Variants in WNT11 observed in about 807,000 individuals in gnomAD.
WNT11 encodes the protein Wnt family member 11.
WNT11 carries 20 observed loss-of-function variants against 35.6 expected under a neutral mutation model. The observed-to-expected ratio is 0.56, with a 90% CI of 0.40 to 0.82. The LOEUF (loss-of-function observed/expected upper bound fraction) is 0.82, where lower values mean the gene tolerates loss of function less well. Ranked by LOEUF, WNT11 falls within the 40% of genes least tolerant of loss-of-function variation. The pLI, the probability that WNT11 is intolerant of heterozygous loss-of-function variation, is 0.00. For missense variants in WNT11, 459 were observed against 504.4 expected (o/e 0.91, Z 0.86); for synonymous variants, 200 against 211.9 (o/e 0.94, Z 0.49).
rs574083118 is a variant in WNT11 at position 76,193,400 on chromosome 11, ATGGTGGGCGTGGCCATGG to A, written c.597+1149_597+1166del. Among the ~76,000 whole-genome samples the A allele has an allele frequency of 2.7e-3, 406 of 151,958 alleles. 1 individual carries two copies. Among genetic ancestry groups the A allele is most frequent in the African/African-American group, 7.6e-3 (316 of 41,408 alleles). On this transcript the variant is annotated intron_variant, in intron 3 of 4. Transcript: ENST00000322563. ...GTGGCGCCCAGCTGGCCTGGCCATG[ATGGTGGGCGTGGCCATGG>A]TGGTGGGCGTGGCCATGGTGGTGGG...
rs554795364 is a variant in WNT11, at chr11:76,206,425, G to T, written c.-18C>A. On this transcript the variant is annotated 5_prime_UTR_variant, in exon 1 of 5. Transcript: ENST00000322563. ...GCCCTCATCGTCGCGCGGCGGGCGC[G>T]CCCGGGGTCACACCCAGGAGGAGCC... The T allele has an allele frequency of 1.3e-6, 2 of 1,490,070 alleles. No individual in the cohort carries two copies. Among genetic ancestry groups the T allele is most frequent in the East Asian group, 2.7e-5 (1 of 36,764 alleles). 92.3% of individuals were successfully genotyped at this position (1,490,070 alleles called of 1,614,324 possible).
chr11:76,191,507 G>A (rs1314579810), intron 4 of WNT11, 57 bp downstream of exon 4: 2 of 1,561,894 alleles, frequency 1.3e-6, no homozygotes, highest in African/African-American at 1.3e-5. Context: ...CCTGAGCTGG[G>A]GAACAGTATG....
At chr11:76,210,089 C>G (rs1445894506), upstream of WNT11, among the ~76,000 whole-genome samples, 1 of 149,600 alleles carries the variant, frequency 6.7e-6, no homozygotes, top group Admixed American at 6.6e-5. Flanking sequence ...GGATCCAAGT[C>G]CCCCACCCCC....
rs1053302 is a variant in WNT11 at position 76,191,635 on chromosome 11, G to T, written c.819C>A (p.Leu273=). ...LDIRPVKDSE[L]VYLQSSPDFC... ...AGTCAGGTGAGCTCTGCAGATAGAC[G>T]AGTTCCGAGTCCTTCACAGGCCGGA... is the stretch of plus-strand genomic sequence containing the variant. Residue 273 remains leucine (L), a synonymous_variant, in exon 4 of 5, where the codon CTC becomes CTA. Coordinates refer to ENST00000322563, the MANE Select transcript of WNT11 (RefSeq NM_004626.3). 2.5e-6 allele frequency: 4 copies of T among 1,613,984 alleles called. No individual in the cohort carries two copies. The highest frequency in any genetic ancestry group is 3.4e-6 in the Non-Finnish European group (4 of 1,180,032).
At chr11:76,203,206 TTCTACC>T (rs1259453311) in intron 1 of WNT11, among the ~76,000 whole-genome samples, 5 of 152,222 alleles carry the variant, frequency 3.3e-5, no homozygotes, top group Admixed American at 6.5e-5. Flanking sequence ...GTAGGGCTCC[TTCTACC>T]TCTATCTTAG....
chr11:76,209,369 AG>A (rs1311124630), upstream of WNT11, among the ~76,000 whole-genome samples: 1 of 133,290 alleles, frequency 7.5e-6, no homozygotes, highest in African/African-American at 2.9e-5. Flanking sequence ...GACTCTGGAA[AG>A]CCGGCCGCTG....
chr11:76,191,892 A>G lies in WNT11; in HGVS notation c.598-36T>C, dbSNP rs775364240. 7.0e-6 allele frequency: 11 copies of G among 1,574,652 alleles called. No homozygotes were observed. The South Asian group carries it at 1.1e-4, about 16-fold the overall frequency. ...GGGAAGGCGTCAGCTGGGTGGCCAG[A>G]GTCCCCTCCCTGGCCTGACCCGGGA... On this transcript the variant is annotated intron_variant, in intron 3 of 4. Transcript: ENST00000322563.
intron 1 of WNT11, among the ~76,000 whole-genome samples, chr11:76,205,139 C>T (rs1396456586): frequency 1.3e-5 from 2 of 152,190 alleles, no homozygotes; most frequent in East Asian, 3.9e-4. Flanking sequence ...GGCAGGAAGA[C>T]GGGGTTCCCT....
intron 1 of WNT11, among the ~76,000 whole-genome samples, chr11:76,198,189 C>A (rs796608509): frequency 6.6e-6 from 1 of 152,228 alleles, no homozygotes. Flanking sequence ...CGACCTTGAG[C>A]AAGTCACTTA....
chr11:76,209,826 C>T (rs1238649279), upstream of WNT11, among the ~76,000 whole-genome samples: 3 of 151,900 alleles, frequency 2.0e-5, no homozygotes, highest in Admixed American at 6.6e-5. Context: ...GGAGCTCGTG[C>T]GCGAGCTCAG....
chr11:76,191,962 T>C, intron 3 of WNT11, 106 bp from the exon 4 acceptor site: 1 of 1,355,086 alleles, frequency 7.4e-7, no homozygotes, highest in East Asian at 2.5e-5. Flanking sequence ...AGGGAGTCAC[T>C]GCCTGCTGGA....
At chr11:76,204,624 TC>T (rs1442554435) in intron 1 of WNT11, among the ~76,000 whole-genome samples, 1 of 152,114 alleles carries the variant, frequency 6.6e-6, no homozygotes, top group Admixed American at 6.5e-5. Context: ...TATGTCCATC[TC>T]CCCCAAGAGC....
chr11:76,210,019 C>A (rs1420761110), upstream of WNT11, among the ~76,000 whole-genome samples: 1 of 151,606 alleles, frequency 6.6e-6, no homozygotes, highest in Non-Finnish European at 1.5e-5. Flanking sequence ...TAGGCGCTGC[C>A]GCATTTCTTT....
intron 1 of WNT11, among the ~76,000 whole-genome samples, chr11:76,203,113 G>T (rs116215813): frequency 1.3e-5 from 2 of 152,248 alleles, no homozygotes; most frequent in African/African-American, 4.8e-5. Flanking sequence ...ACTGAGGCCC[G>T]GAAAGGGCAG....
chr11:76,188,932 A>G (rs2134563896), intron 4 of WNT11, among the ~76,000 whole-genome samples: 1 of 152,338 alleles, frequency 6.6e-6, no homozygotes, highest in South Asian at 2.1e-4. Flanking sequence ...GAGGCTGATC[A>G]GTGCTGGGGG....
rs1318157851 is a variant in WNT11 at position 76,186,868 on chromosome 11, T to C, written c.*197A>G. The stretch of plus-strand genomic sequence containing the variant: ...TTAATCTTGTCGGTTTCCTTTGATG[T>C]CCTGCCCTCCTTCCAGGGTGGCCAG... On this transcript the variant is annotated 3_prime_UTR_variant, in exon 5 of 5. Transcript: ENST00000322563. 3 of 791,326 alleles carry C rather than the reference T, an allele frequency of 3.8e-6. No homozygotes were observed. In the East Asian group the frequency reaches 8.1e-5, roughly 21 times the overall value. The allele number at this position is 791,326 out of a possible 1,614,324, so 49.0% of individuals were successfully genotyped here.
intron 3 of WNT11, among the ~76,000 whole-genome samples, chr11:76,193,391 CTGGCCATGATGGTGGGCG>C (rs1365486677): frequency 7.3e-5 from 11 of 151,244 alleles, no homozygotes; most frequent in African/African-American, 2.0e-4. Flanking sequence ...CCCAGCTGGC[CTGGCCATGATGGTGGGCG>C]TGGCCATGGT....
chr11:76,188,138 C>T lies in WNT11; in HGVS notation c.891-899G>A, dbSNP rs568091989. Among the ~76,000 whole-genome samples the T allele has an allele frequency of 2.6e-4, 40 of 152,356 alleles. No individual in the cohort carries two copies. In the South Asian group the frequency reaches 3.1e-3, roughly 12 times the overall value. The stretch of plus-strand genomic sequence containing the variant: ...TCGAACCCCCACTGGGCATCAGACA[C>T]GCTGCTCGTGGAGGAATAGGGGTCT... On this transcript the variant is annotated intron_variant, in intron 4 of 4. Coordinates refer to ENST00000322563, the MANE Select transcript of WNT11 (RefSeq NM_004626.3).
intron 4 of WNT11, among the ~76,000 whole-genome samples, chr11:76,188,282 C>T (rs1356957378): frequency 1.3e-5 from 2 of 152,240 alleles, no homozygotes. Context: ...AAAACAGGCT[C>T]AGCAAAGGGC....
Sources: gnomAD v4.1 joint callset for allele counts (sites outside exome capture counted in the v4.1 genomes callset) on GRCh38, gnomAD v4.1.1 for gene constraint, MANE v1.5 for transcripts, NCBI Gene and HGNC (gene_info 2026-07-23, HGNC 2026-07-21) for gene names.